Variants in ABCA13 observed in about 807,000 individuals in gnomAD.
ABCA13 encodes the protein ATP binding cassette subfamily A member 13.
In ABCA13, 476 loss-of-function variants were observed where a neutral mutation model predicts 478.7. That is an observed-to-expected ratio of 0.99 (90% confidence interval 0.92 to 1.07). The LOEUF is 1.07. Ranked by LOEUF, ABCA13 falls within the 50% of genes least tolerant of loss-of-function variation. The pLI is 0.00. For missense variants in ABCA13, 6,060 were observed against 5,910.6 expected, an observed-to-expected ratio of 1.03 and a Z score of -0.83; for synonymous variants, 2,252 against 2,158.9, an observed-to-expected ratio of 1.04 and a Z score of -1.20.
chr7:48,318,267 A>G (rs1802876654), intron 27 of ABCA13, among the ~76,000 whole-genome samples: 1 of 151,988 alleles, frequency 6.6e-6, no homozygotes, highest in African/African-American at 2.4e-5. Context: ...TTTGCCACCT[A>G]CCTCAGGGGC....
intron 31 of ABCA13, among the ~76,000 whole-genome samples, chr7:48,355,622 G>A (rs964083014): frequency 6.6e-6 from 1 of 152,028 alleles, no homozygotes; most frequent in Non-Finnish European, 1.5e-5. Flanking sequence ...TAACCCAGGT[G>A]AGAGATGATG....
intron 7 of ABCA13, among the ~76,000 whole-genome samples, chr7:48,231,095 C>T (rs148776992): frequency 6.6e-6 from 1 of 150,936 alleles, no homozygotes; most frequent in African/African-American, 2.4e-5. Flanking sequence ...ATAGGTGCAG[C>T]AAATCACCAT....
chr7:48,303,342 A>T (rs1480467671), intron 23 of ABCA13, among the ~76,000 whole-genome samples: 2 of 152,026 alleles, frequency 1.3e-5, no homozygotes, highest in African/African-American at 4.8e-5. Flanking sequence ...TAGTTTAATT[A>T]GGTCCCATTT....
intron 45 of ABCA13, among the ~76,000 whole-genome samples, chr7:48,477,855 C>T (rs1391200334): frequency 1.3e-5 from 2 of 151,706 alleles, no homozygotes; most frequent in Admixed American, 1.3e-4. Context: ...CAAACCTGCA[C>T]ATTGTGCACA....
chr7:48,469,675 T>C (rs944693777), intron 44 of ABCA13, among the ~76,000 whole-genome samples: 7 of 152,112 alleles, frequency 4.6e-5, no homozygotes, highest in Non-Finnish European at 1.0e-4. Flanking sequence ...ACCTTAGCAC[T>C]TTGGGGAGGC....
In ABCA13 at chr7:48,352,473, C is replaced by A. The variant is rs774551950; in HGVS notation, c.10674C>A (p.Cys3558Ter). 1.9e-6 allele frequency: 3 copies of A among 1,604,414 alleles called. No homozygotes were observed. The South Asian group carries it at 3.3e-5, about 18-fold the overall frequency. Residue 3558 changes from cysteine to a stop codon, truncating the protein, a stop_gained, in exon 31 of 62, where the codon TGC becomes TGA. Transcript: ENST00000435803. LOFTEE classifies it high-confidence loss of function. ...AGACTCAGGCGGCCCCTTACCCCTG[C>A]CATACCAGCGACCTGTGAGTAGCCT... ...AAQTQAAPYP[C>*]HTSDLFLNNV...
At chr7:48,340,472 A>G (rs1482123541) in intron 29 of ABCA13, among the ~76,000 whole-genome samples, 2 of 152,236 alleles carry the variant, frequency 1.3e-5, no homozygotes, top group Non-Finnish European at 2.9e-5. Context: ...TGTTGTAGAA[A>G]CATTAGAAAA....
Position 48,412,562 on chromosome 7 carries a change from C to T in ABCA13, c.12438C>T (p.Ile4146=), listed in dbSNP as rs1211974798. The T allele has an allele frequency of 1.2e-6, 2 of 1,610,462 alleles. No homozygotes were observed. Among genetic ancestry groups the T allele is most frequent in the African/African-American group, 2.7e-5 (2 of 74,392 alleles). ...LHQLHLTGYG[I]SDTTLEEVFL... The stretch of plus-strand genomic sequence containing the variant: ...AGCTGCACCTGACGGGCTATGGGAT[C>T]TCAGACACCACCTTAGAAGAGGTAC... The change falls in exon 41 of 62, where the codon ATC becomes ATT. Residue 4146 remains isoleucine (I), a synonymous_variant. Coordinates refer to ENST00000435803, the MANE Select transcript of ABCA13 (RefSeq NM_152701.5).
chr7:48,234,438 G>A (rs1379710052), intron 8 of ABCA13, among the ~76,000 whole-genome samples: 2 of 152,236 alleles, frequency 1.3e-5, no homozygotes, highest in African/African-American at 4.8e-5. Context: ...GCCAGGTCAA[G>A]TGAGGGTGTG....
chr7:48,202,776 G>C (rs575191071), intron 3 of ABCA13, among the ~76,000 whole-genome samples: 45 of 152,258 alleles, frequency 3.0e-4, no homozygotes, highest in African/African-American at 1.1e-3. Flanking sequence ...GCCCATTGGT[G>C]TATTTACAAT....
At chr7:48,336,822 A>C (rs1806338757) in intron 28 of ABCA13, among the ~76,000 whole-genome samples, 1 of 152,240 alleles carries the variant, frequency 6.6e-6, no homozygotes, top group Non-Finnish European at 1.5e-5. Flanking sequence ...TTAATTTGTT[A>C]ATACAGACAT....
chr7:48,612,621 A>G (rs772307430), intron 58 of ABCA13, among the ~76,000 whole-genome samples: 1 of 152,188 alleles, frequency 6.6e-6, no homozygotes, highest in Non-Finnish European at 1.5e-5. Flanking sequence ...TAACACATGG[A>G]TGAACTCTTA....
At chr7:48,580,119 T>G in intron 55 of ABCA13, 105 bp from the exon 56 acceptor site, 1 of 1,219,912 alleles carries the variant, frequency 8.2e-7, no homozygotes, top group Non-Finnish European at 1.1e-6. Context: ...CTAATTGTTT[T>G]AAATAAACTG....
chr7:48,258,491 C>T (rs1274102668), intron 15 of ABCA13, among the ~76,000 whole-genome samples: 2 of 152,108 alleles, frequency 1.3e-5, no homozygotes, highest in East Asian at 1.9e-4. Flanking sequence ...CTTTATTAGC[C>T]TAGCTAACAG....
chr7:48,468,919 G>A (rs565944122), intron 44 of ABCA13, among the ~76,000 whole-genome samples: 1 of 152,344 alleles, frequency 6.6e-6, no homozygotes, highest in African/African-American at 2.4e-5. Context: ...TCTCACAGTA[G>A]TAGGTGATGC....
At chr7:48,506,446 G>A (rs1831217323) in intron 49 of ABCA13, 56 bp downstream of exon 49, 2 of 1,585,140 alleles carry the variant, frequency 1.3e-6, no homozygotes, top group Non-Finnish European at 1.7e-6. Context: ...GAAAATCTTT[G>A]TGTTACTTAG....
chr7:48,278,193 G>A lies in ABCA13; in HGVS notation c.6999G>A (p.Lys2333=). ...DRLMNIFSSL[K]ETIYHLMKSS... ...TGATGAACATTTTTTCAAGTTTAAA[G>A]GAGACTATATATCACCTAATGAAAA... Residue 2333 remains lysine, a synonymous_variant, in exon 18 of 62, where the codon AAG becomes AAA. Coordinates refer to ENST00000435803, the MANE Select transcript of ABCA13 (RefSeq NM_152701.5). The A allele has an allele frequency of 6.3e-7, 1 of 1,585,416 alleles. No homozygotes were observed. The highest frequency in any genetic ancestry group is 8.6e-7 in the Non-Finnish European group (1 of 1,165,050).
chr7:48,473,028 G>A (rs923871361), intron 45 of ABCA13, among the ~76,000 whole-genome samples: 1 of 152,170 alleles, frequency 6.6e-6, no homozygotes, highest in Non-Finnish European at 1.5e-5. Flanking sequence ...TTACATGGCA[G>A]CAGCAAGAGA....
intron 27 of ABCA13, among the ~76,000 whole-genome samples, chr7:48,328,809 C>A (rs1199355259): frequency 6.6e-6 from 1 of 151,998 alleles, no homozygotes; most frequent in Non-Finnish European, 1.5e-5. Context: ...AAGAGAAATG[C>A]AAATCCCCAA....
Sources: allele counts gnomAD v4.1 joint callset (sites outside exome capture counted in the v4.1 genomes callset), GRCh38; gene constraint gnomAD v4.1.1; transcripts MANE v1.5; gene names NCBI Gene and HGNC (gene_info 2026-07-23, HGNC 2026-07-21).